Variants in MET observed in about 807,000 individuals in gnomAD.
MET encodes MET proto-oncogene, receptor tyrosine kinase.
A neutral mutation model predicts 133.1 loss-of-function variants in MET; 48 were observed. The ratio of observed to expected loss-of-function variants is 0.36; its 90% CI spans 0.29 to 0.46. The LOEUF is 0.46. MET is among the 20% of genes least tolerant of loss of function. The pLI is 1.00. For synonymous variants in MET, 628 were observed against 616.5 expected (o/e 1.02, Z -0.28); for missense variants, 1,442 against 1,695.9 (o/e 0.85, Z 2.63).
intron 3 of MET, among the ~76,000 whole-genome samples, chr7:116,734,224 A>AT (rs66996050): frequency 2.1e-4 from 32 of 152,016 alleles, no homozygotes; most frequent in Admixed American, 2.0e-3. Context: ...TAGAATGGAC[A>AT]TTTTTTTTCC....
chr7:116,676,615 C>A (rs1390517780), intron 1 of MET, among the ~76,000 whole-genome samples: 1 of 152,006 alleles, frequency 6.6e-6, no homozygotes, highest in African/African-American at 2.4e-5. Flanking sequence ...TAGTGACTGT[C>A]AAGGATAAGA....
At chr7:116,746,660 C>T (rs1793700630) in intron 5 of MET, among the ~76,000 whole-genome samples, 1 of 151,964 alleles carries the variant, frequency 6.6e-6, no homozygotes, top group African/African-American at 2.4e-5. Context: ...AACCATCATT[C>T]TGAGCAAACT....
intron 2 of MET, among the ~76,000 whole-genome samples, chr7:116,716,489 GAAAGAAAGAAAGA>G (rs1443262966): frequency 2.0e-4 from 28 of 142,042 alleles, no homozygotes; most frequent in Non-Finnish European, 3.7e-4. Flanking sequence ...AAGAAAGAAA[GAAAGAAAGAAAGA>G]AAGAAAGAAA....
At chr7:116,726,026 T>C (rs534306270) in intron 2 of MET, among the ~76,000 whole-genome samples, 2 of 146,980 alleles carry the variant, frequency 1.4e-5, no homozygotes, top group African/African-American at 2.5e-5. Flanking sequence ...GACAGGGGGA[T>C]ACCCTGTCTC....
intron 10 of MET, among the ~76,000 whole-genome samples, chr7:116,760,238 G>A (rs954714202): frequency 2.6e-5 from 4 of 152,102 alleles, no homozygotes; most frequent in Non-Finnish European, 4.4e-5. Flanking sequence ...AGCAGCTGAC[G>A]TATGCTTTCT....
At position 116,700,183 on chromosome 7, in the gene MET, A is replaced by G. The variant is rs774146015; in HGVS notation, c.1099A>G (p.Ile367Val). ...MDRSAMCAFP[I>V]KYVNDFFNKI... The stretch of plus-strand genomic sequence containing the variant: ...TCGATCTGCCATGTGTGCATTCCCT[A>G]TCAAATATGTCAACGACTTCTTCAA... Residue 367 changes from isoleucine to valine, a missense_variant, in exon 2 of 21, where the codon ATC becomes GTC. By Grantham distance (29) the Ile-to-Val change is conservative. Transcript: ENST00000397752. 1.8e-5 allele frequency: 28 copies of G among 1,593,180 alleles called. No homozygotes were observed. The highest frequency in any genetic ancestry group is 2.2e-5 in the Non-Finnish European group (26 of 1,172,216).
At chr7:116,753,921 A>G (rs1794024878) in intron 5 of MET, among the ~76,000 whole-genome samples, 1 of 152,186 alleles carries the variant, frequency 6.6e-6, no homozygotes, top group Admixed American at 6.5e-5. Context: ...GAGGTGCTTT[A>G]TTAAGAAATA....
chr7:116,759,540 T>C, intron 10 of MET, 50 bp downstream of exon 10: 2 of 1,587,458 alleles, frequency 1.3e-6, no homozygotes, highest in Non-Finnish European at 1.7e-6. Context: ...TCTTTGCCTC[T>C]AACCATGTGG....
At chr7:116,689,105 G>GAAATTTCATGT (rs57713644) in intron 1 of MET, among the ~76,000 whole-genome samples, 36,549 of 151,828 alleles carry the variant, frequency 0.24, 4,464 homozygotes, top group East Asian at 0.34. Context: ...TTCTGTTTCA[G>GAAATTTCATGT]AAATTTCATG....
At chr7:116,708,867 G>C (rs1345001793) in intron 2 of MET, among the ~76,000 whole-genome samples, 1 of 152,118 alleles carries the variant, frequency 6.6e-6, no homozygotes, top group Non-Finnish European at 1.5e-5. Context: ...TTATGACCAA[G>C]AGAAACATAA....
chr7:116,790,192 A>G (rs1333130780), intron 19 of MET, among the ~76,000 whole-genome samples: 1 of 152,222 alleles, frequency 6.6e-6, no homozygotes, highest in Non-Finnish European at 1.5e-5. Context: ...ATTGTTAACT[A>G]TGTGAACATT....
chr7:116,762,962 C>A, intron 10 of MET, 88 bp from the exon 11 acceptor site: 1 of 1,093,276 alleles, frequency 9.1e-7, no homozygotes, highest in South Asian at 1.3e-5. Context: ...TATATATTTT[C>A]AATTGATTGG....
rs1562933004 is a variant in MET, at chr7:116,777,443, T to C, written c.3314T>C (p.Ile1105Thr). ...GTLLDNDGKK[I>T]HCAVKSLNRI... is the part of the protein sequence containing the mutation. Reference sequence around the variant, plus strand: ...TTGTTGGACAATGATGGCAAGAAAATTCACTGTGCTGTGAAATCCTTGAAC... The same window carrying C: ...TTGTTGGACAATGATGGCAAGAAAACTCACTGTGCTGTGAAATCCTTGAAC... Residue 1105 changes from isoleucine to threonine, a missense_variant, in exon 16 of 21, where the codon ATT (isoleucine) becomes ACT (threonine). Transcript: ENST00000397752. 1 of 1,613,866 alleles carries C rather than the reference T, an allele frequency of 6.2e-7. No individual in the cohort carries two copies. The highest frequency in any genetic ancestry group is 1.7e-5 in the Admixed American group (1 of 60,008).
chr7:116,688,856 A>G (rs1562877218), intron 1 of MET, among the ~76,000 whole-genome samples: 2 of 152,204 alleles, frequency 1.3e-5, no homozygotes, highest in Non-Finnish European at 1.5e-5. Context: ...TTATAGGACT[A>G]AGAGGGGATG....
chr7:116,735,885 T>G (rs564472559), intron 3 of MET, among the ~76,000 whole-genome samples: 93 of 151,848 alleles, frequency 6.1e-4, no homozygotes, highest in African/African-American at 2.2e-3. Context: ...CAAGCAATTC[T>G]TGTGCCTTAG....
rs564115135 is a variant in MET at position 116,716,284 on chromosome 7, GGAGAGAGAGAGAGAGAGAGAGAGAGA to G, written c.1201-15355_1201-15330del. Among the ~76,000 whole-genome samples the G allele has an allele frequency of 1.2e-3, 47 of 38,056 alleles. 1 individual carries two copies. Among genetic ancestry groups the G allele is most frequent in the African/African-American group, 4.1e-3 (43 of 10,364 alleles). The allele number at this position is 38,056 out of a possible 152,430, so 25.0% of individuals were successfully genotyped here. On this transcript the variant is annotated intron_variant, in intron 2 of 20. Transcript: ENST00000397752. ...AAGCAAGAGGGAAGGAGGGAGAGAGGGAGAGAGAGAGAGAGAGAGAGAGAGAGAGAGAGAGAGAGAGAGAGAGAGAG... is the reference window on the plus strand; with the variant it reads ...AAGCAAGAGGGAAGGAGGGAGAGAGGGAGAGAGAGAGAGAGAGAGAGAGAG...
Position 116,739,941 on chromosome 7 carries a change from G to A in MET, c.1393-9G>A, listed in dbSNP as rs1474428051. On this transcript the variant is annotated splice_polypyrimidine_tract_variant and intron_variant, in intron 3 of 20. Coordinates refer to ENST00000397752, the MANE Select transcript of MET (RefSeq NM_000245.4). ...GGAATAAGGATGTTATAACTTTTTT[G>A]CTGTTTAGGTTGTGGTTTCTCGATC... 3.1e-6 allele frequency: 5 copies of A among 1,613,746 alleles called. No individual in the cohort carries two copies. Among genetic ancestry groups the A allele is most frequent in the East Asian group, 4.5e-5 (2 of 44,884 alleles).
rs140853140 is a variant in MET at position 116,763,029 on chromosome 7, G to C, written c.2365-21G>C. 5,285 of 1,596,320 alleles carry C rather than the reference G, an allele frequency of 3.3e-3. 19 individuals are homozygous for C. Among genetic ancestry groups the C allele is most frequent in the Non-Finnish European group, 4.3e-3 (5,009 of 1,164,054 alleles). The stretch of plus-strand genomic sequence containing the variant: ...GCCAAGCTGTATTCTGTTTACAGTG[G>C]ATAATTGTGTCTTTCTCTAGGCATG... On this transcript the variant is annotated intron_variant, in intron 10 of 20. Coordinates refer to ENST00000397752, the MANE Select transcript of MET (RefSeq NM_000245.4).
intron 2 of MET, among the ~76,000 whole-genome samples, chr7:116,723,537 C>A (rs1172827335): frequency 1.3e-5 from 2 of 152,202 alleles, no homozygotes; most frequent in African/African-American, 4.8e-5. Context: ...AACTGCGTTC[C>A]TTTGGAGGAG....
Sources: gnomAD v4.1 joint callset for allele counts (sites outside exome capture counted in the v4.1 genomes callset) on GRCh38, gnomAD v4.1.1 for gene constraint, MANE v1.5 for transcripts, NCBI Gene and HGNC (gene_info 2026-07-23, HGNC 2026-07-21) for gene names.